The following GOLGA6L2 variants were observed in gnomAD, a reference collection of about 807,000 sequenced individuals.
GOLGA6L2 encodes the protein golgin subfamily A member 6-like protein 2.
GOLGA6L2 carries 30 observed loss-of-function variants against 35.9 expected under a neutral mutation model. The ratio of observed to expected loss-of-function variants is 0.83; its 90% CI spans 0.62 to 1.13. GOLGA6L2 has a LOEUF of 1.13. GOLGA6L2 is among the 50% of genes most tolerant of loss of function. GOLGA6L2 has a pLI of 0.00. For synonymous variants in GOLGA6L2, 297 were observed against 344.0 expected, an observed-to-expected ratio of 0.86 and a Z score of 1.51; for missense variants, 821 against 973.4, an observed-to-expected ratio of 0.84 and a Z score of 2.08.
At chr15:23,441,847 C>T (rs528707294) in intron 7 of GOLGA6L2, 132 bp downstream of exon 7, 1 of 1,372,310 alleles carries the variant, frequency 7.3e-7, no homozygotes, top group South Asian at 1.5e-5. Flanking sequence ...CTAGAGGATT[C>T]TATGGTGGGA....
chr15:23,444,416 A>C, intron 3 of GOLGA6L2, 55 bp downstream of exon 3: 2 of 1,581,586 alleles, frequency 1.3e-6, no homozygotes, highest in East Asian at 2.2e-5. Flanking sequence ...GGGCCTCTAC[A>C]TCTGAGTGCC....
In GOLGA6L2 at chr15:23,439,261, C is replaced by T. The variant is rs1261775138; in HGVS notation, c.*484G>A. Reference sequence around the variant, plus strand: ...CTGAGTAGCTGTGATTACAGGCGTGCACAACCACGCCCGGCTAACTTGTAT... The same window carrying T: ...CTGAGTAGCTGTGATTACAGGCGTGTACAACCACGCCCGGCTAACTTGTAT... On this transcript the variant is annotated 3_prime_UTR_variant, in exon 8 of 8. Coordinates refer to ENST00000567107, the MANE Select transcript of GOLGA6L2 (RefSeq NM_001304388.2). 1.3e-5 allele frequency among the ~76,000 whole-genome samples: 2 copies of T among 148,642 alleles called. No homozygotes were observed. Among genetic ancestry groups the T allele is most frequent in the African/African-American group, 4.9e-5 (2 of 40,450 alleles).
At position 23,439,153 on chromosome 15, in the gene GOLGA6L2, C is replaced by CTTTTTTTT. The variant is rs3038535; in HGVS notation, c.*584_*591dup. ...AGATATCAGAGTCCTCAGGTAGAAA[C>CTTTTTTTT]TTTTTTTTTTTTTTTGAGATGGAAT... On this transcript the variant is annotated 3_prime_UTR_variant, in exon 8 of 8. Coordinates refer to ENST00000567107, the MANE Select transcript of GOLGA6L2 (RefSeq NM_001304388.2). Among the ~76,000 whole-genome samples the CTTTTTTTT allele has an allele frequency of 2.2e-5, 3 of 138,764 alleles. No individual in the cohort carries two copies. Among genetic ancestry groups the CTTTTTTTT allele is most frequent in the Non-Finnish European group, 4.6e-5 (3 of 65,572 alleles). 91.0% of individuals were successfully genotyped at this position (138,764 alleles called of 152,430 possible).
At position 23,441,614 on chromosome 15, in the gene GOLGA6L2, CTT is replaced by C. The variant is rs2070693959; in HGVS notation, c.859_860del (p.Lys287AspfsTer359). ...QEEELREQEK[K>X]IRKQEEKMWR... is the part of the protein sequence containing the mutation. ...ACATCTTCTCCTCCTGCTTCCGTAT[CTT>C]CTTTTCCTGCTCCCGTAGCTCCTCC... On this transcript the variant is annotated frameshift_variant, in exon 8 of 8. Coordinates refer to ENST00000567107, the MANE Select transcript of GOLGA6L2 (RefSeq NM_001304388.2). LOFTEE classifies it low-confidence loss of function (END_TRUNC). The C allele has an allele frequency of 6.5e-7, 1 of 1,547,854 alleles. No individual in the cohort carries two copies. The highest frequency in any genetic ancestry group is 1.4e-5 in the African/African-American group (1 of 72,910).
rs1358162709 is a variant in GOLGA6L2 at position 23,441,221 on chromosome 15, C to A, written c.1254G>T (p.Lys418Asn). The change falls in exon 8 of 8, where the codon AAG becomes AAT. Residue 418 changes from lysine to asparagine, a missense_variant. Lys to Asn is a moderately conservative substitution (Grantham distance 94). Coordinates refer to ENST00000567107, the MANE Select transcript of GOLGA6L2 (RefSeq NM_001304388.2). ...EKEERMREQE[K>N]MWEQVEKMRE... is the part of the protein sequence containing the mutation. ...GCATCTTCTCCACCTGCTCCCACATCTTCTCCTGCTCCCGCATCCTCTCCT... is the reference window on the plus strand; with the variant it reads ...GCATCTTCTCCACCTGCTCCCACATATTCTCCTGCTCCCGCATCCTCTCCT... The A allele has an allele frequency of 5.2e-6, 8 of 1,539,916 alleles. No individual in the cohort carries two copies. The highest frequency in any genetic ancestry group is 6.1e-6 in the Non-Finnish European group (7 of 1,146,576).
Position 23,440,499 on chromosome 15 carries a change from T to C in GOLGA6L2, c.1976A>G (p.Glu659Gly), listed in dbSNP as rs1384722048. Reference protein sequence around the residue: ...AGGEDAGAGREDAGAGGEDVG... With the variant: ...AGGEDAGAGRGDAGAGGEDVG... ...ATCTTCTCCTCCTGCTCCCGCATCT[T>C]CTCTTCCTGCTCCTGCATCTTCTCC... is the stretch of plus-strand genomic sequence containing the variant. Residue 659 changes from glutamate (E) to glycine (G), a missense_variant, in exon 8 of 8, where the codon GAA (glutamate) becomes GGA (glycine). Physicochemically the swap from Glu to Gly is moderately conservative, Grantham distance 98. Around this residue, in one of 7 missense-constraint regions of GOLGA6L2, gnomAD observed 99 missense variants for 199.9 expected, o/e 0.50. Transcript: ENST00000567107. 3.3e-6 allele frequency: 2 copies of C among 598,146 alleles called. No homozygotes were observed. The highest frequency in any genetic ancestry group is 4.5e-6 in the Non-Finnish European group (2 of 441,530). 37.1% of individuals were successfully genotyped at this position (598,146 alleles called of 1,614,324 possible). A position where few individuals can be genotyped will look rare whatever the true frequency, so the allele number is the denominator to read the frequency against.
chr15:23,444,410 C>A (rs1488137392), intron 3 of GOLGA6L2, 61 bp downstream of exon 3: 1 of 1,557,952 alleles, frequency 6.4e-7, no homozygotes. Context: ...TGAGACGGGC[C>A]TCTACATCTG....
Position 23,444,052 on chromosome 15 carries a change from T to A in GOLGA6L2, c.316A>T (p.Ile106Phe). ...AGTTCAGTTTTCTGACACGTGAGAA[T>A]TCGTATTGTATGATCCTGGGCCTTT... ...EIEAQDHTIR[I>F]LTCQKTELET... is the part of the protein sequence containing the mutation. The change falls in exon 5 of 8, where the codon ATT (isoleucine) becomes TTT (phenylalanine). Residue 106 changes from isoleucine to phenylalanine, a missense_variant. Ile to Phe is a conservative substitution (Grantham distance 21, BLOSUM62 0). Around this residue, in one of 7 missense-constraint regions of GOLGA6L2, gnomAD observed 614 missense variants for 632.3 expected, o/e 0.97. Coordinates refer to ENST00000567107, the MANE Select transcript of GOLGA6L2 (RefSeq NM_001304388.2). 6.4e-7 allele frequency: 1 copy of A among 1,560,304 alleles called. No homozygotes were observed. Among genetic ancestry groups the A allele is most frequent in the Non-Finnish European group, 8.6e-7 (1 of 1,158,770 alleles).
chr15:23,441,382 G>T lies in GOLGA6L2; in HGVS notation c.1093C>A (p.Arg365=), dbSNP rs113727081. ...EKMWEQEEKM[R]EQEEKMWRQE... is the part of the protein sequence containing the mutation. ...CTCCACATCTTCTCTTCCTGCTCCC[G>T]CATCTTCTCCTCCTGCTCCCACATC... is the stretch of plus-strand genomic sequence containing the variant. Residue 365 remains arginine (R), a synonymous_variant, in exon 8 of 8, where the codon CGG becomes AGG. Coordinates refer to ENST00000567107, the MANE Select transcript of GOLGA6L2 (RefSeq NM_001304388.2). The T allele has an allele frequency of 1.3e-6, 2 of 1,532,872 alleles. No individual in the cohort carries two copies. The highest frequency in any genetic ancestry group is 8.8e-7 in the Non-Finnish European group (1 of 1,142,190). The allele number at this position is 1,532,872 out of a possible 1,614,324, so 95.0% of individuals were successfully genotyped here.
rs1260871958 is a variant in GOLGA6L2 at position 23,441,454 on chromosome 15, T to TCTGCTCCCGCAGCTCCTTCTC, written c.1000_1020dup (p.Glu334_Gln340dup). 32 of 1,381,822 alleles carry TCTGCTCCCGCAGCTCCTTCTC rather than the reference T, an allele frequency of 2.3e-5. No individual in the cohort carries two copies. The highest frequency in any genetic ancestry group is 3.8e-4 in the Middle Eastern group (2 of 5,258). The allele number at this position is 1,381,822 out of a possible 1,614,324, so 85.6% of individuals were successfully genotyped here. ...TGCTCCTCCTGCTCCCGCAGCTTCT[T>TCTGCTCCCGCAGCTCCTTCTC]CTGCTCCCGCAGCTCCTTCTCCTGC... is the stretch of plus-strand genomic sequence containing the variant. On this transcript the variant is annotated inframe_insertion, in exon 8 of 8. Coordinates refer to ENST00000567107, the MANE Select transcript of GOLGA6L2 (RefSeq NM_001304388.2).
In GOLGA6L2 at chr15:23,440,843, A is replaced by T; in HGVS notation, c.1632T>A (p.Asp544Glu). ...CTGCAGCCTCTCCTCCTGTCTCCAC[A>T]TCTTCCTGCTCCCGCATCTTCTCCT... Reference protein sequence around the residue: ...WRQEKMREQEDVETGGEAAGA... With the variant: ...WRQEKMREQEEVETGGEAAGA... Residue 544 changes from aspartate to glutamate, a missense_variant, in exon 8 of 8, where the codon GAT becomes GAA. Around this residue, in one of 7 missense-constraint regions of GOLGA6L2, gnomAD observed 614 missense variants for 632.3 expected, o/e 0.97. Coordinates refer to ENST00000567107, the MANE Select transcript of GOLGA6L2 (RefSeq NM_001304388.2). 2 of 1,489,816 alleles carry T rather than the reference A, an allele frequency of 1.3e-6. No individual in the cohort carries two copies. The highest frequency in any genetic ancestry group is 1.8e-6 in the Non-Finnish European group (2 of 1,119,304). 92.3% of individuals were successfully genotyped at this position (1,489,816 alleles called of 1,614,324 possible).
rs1440636764 is a variant in GOLGA6L2, at chr15:23,443,864, G to A, written c.504C>T (p.Ala168=). The change falls in exon 5 of 8, where the codon GCC becomes GCT. Residue 168 remains alanine, a synonymous_variant. Coordinates refer to ENST00000567107, the MANE Select transcript of GOLGA6L2 (RefSeq NM_001304388.2). The stretch of plus-strand genomic sequence containing the variant: ...AGTGCCAGGAATGATGCAAGCGGCC[G>A]GCGAGATCCTTGGACTCTCCTGGAA... ...SLIPGESKDL[A]GRLHHSWHFA... 8 of 1,541,200 alleles carry A rather than the reference G, an allele frequency of 5.2e-6. No individual in the cohort carries two copies. Among genetic ancestry groups the A allele is most frequent in the South Asian group, 3.6e-5 (3 of 84,394 alleles).
In GOLGA6L2 at chr15:23,439,696, C is replaced by T. The variant is rs1292231410; in HGVS notation, c.*49G>A. The T allele has an allele frequency of 7.8e-6, 12 of 1,537,180 alleles. No individual in the cohort carries two copies. Among genetic ancestry groups the T allele is most frequent in the Non-Finnish European group, 1.0e-5 (12 of 1,147,180 alleles). ...CAGTGGGGTTGTCCTGCGGAGAACC[C>T]TCCCCAGCCTCTCCTCCTGCAGGCT... On this transcript the variant is annotated 3_prime_UTR_variant, in exon 8 of 8. Transcript: ENST00000567107.
rs1347758286 is a variant in GOLGA6L2 at position 23,447,086 on chromosome 15, A to G, written c.84+12T>C. ...GGTTGGGGTTGGGGTGCCGCAACCC[A>G]GTGAGTTTTACCTTTTTCTTGGCCT... is the stretch of plus-strand genomic sequence containing the variant. On this transcript the variant is annotated intron_variant, in intron 1 of 7. Transcript: ENST00000567107. 2.4e-5 allele frequency: 32 copies of G among 1,326,278 alleles called. No individual in the cohort carries two copies. The highest frequency in any genetic ancestry group is 3.1e-5 in the Non-Finnish European group (31 of 991,020). The allele number at this position is 1,326,278 out of a possible 1,614,324, so 82.2% of individuals were successfully genotyped here.
In GOLGA6L2 at chr15:23,447,233, G is replaced by C; in HGVS notation, c.-52C>G. 3 of 1,028,676 alleles carry C rather than the reference G, an allele frequency of 2.9e-6. No homozygotes were observed. The highest frequency in any genetic ancestry group is 3.4e-5 in the Admixed American group (2 of 58,016). 63.7% of individuals were successfully genotyped at this position (1,028,676 alleles called of 1,614,324 possible). On this transcript the variant is annotated 5_prime_UTR_variant, in exon 1 of 8. Transcript: ENST00000567107. The stretch of plus-strand genomic sequence containing the variant: ...TACACCTCCAGTCACGTACCACGCA[G>C]CTATGTGACTGAGCCAGAGGAGGTG...
chr15:23,441,959 CT>C lies in GOLGA6L2; in HGVS notation c.792+19del. On this transcript the variant is annotated intron_variant, in intron 7 of 7. Transcript: ENST00000567107. ...TAGCTGGATGGGTCTCCCACAACCCCTGGGGCTGCAGCCGCTCACCTGTGGC... is the reference window on the plus strand; with the variant it reads ...TAGCTGGATGGGTCTCCCACAACCCCGGGGCTGCAGCCGCTCACCTGTGGC... 1.3e-6 allele frequency: 2 copies of C among 1,541,052 alleles called. No homozygotes were observed.
At chr15:23,447,027 C>A in intron 1 of GOLGA6L2, 71 bp downstream of exon 1, 1 of 745,752 alleles carries the variant, frequency 1.3e-6, no homozygotes, top group South Asian at 1.6e-5. Flanking sequence ...TGGACTCTGG[C>A]AGATGTTCTG....
At position 23,443,963 on chromosome 15, in the gene GOLGA6L2, G is replaced by T; in HGVS notation, c.405C>A (p.Thr135=). 1 of 1,561,634 alleles carries T rather than the reference G, an allele frequency of 6.4e-7. No homozygotes were observed. The highest frequency in any genetic ancestry group is 1.2e-5 in the South Asian group (1 of 86,144). Residue 135 remains threonine, a synonymous_variant, in exon 5 of 8, where the codon ACC becomes ACA. Transcript: ENST00000567107. ...AAAGTGCCAGGTTGAAGGATGATGG[G>T]GTGCCCAGGTTCCCATCTTCAAATT... The part of the protein sequence containing the change: ...ARKFEDGNLG[T]PSSFNLALSQ...
intron 1 of GOLGA6L2, among the ~76,000 whole-genome samples, chr15:23,446,304 G>T (rs1315263798): frequency 6.6e-6 from 1 of 152,176 alleles, no homozygotes. Flanking sequence ...TGAGTTCACA[G>T]GGGGAGGTGT....
Sources: gnomAD v4.1 joint callset for allele counts (sites outside exome capture counted in the v4.1 genomes callset) on GRCh38, gnomAD v4.1.1 for gene constraint, gnomAD v4.1.1 regional missense constraint, MANE v1.5 for transcripts, NCBI Gene and HGNC (gene_info 2026-07-23, HGNC 2026-07-21) for gene names.